Variants in KHDRBS1 observed in about 807,000 individuals in gnomAD.
The protein encoded by KHDRBS1 is KH domain-containing, RNA-binding, signal transduction-associated protein 1.
Under a neutral mutation model 48.4 loss-of-function variants are expected in KHDRBS1, and 7 were observed. The ratio of observed to expected loss-of-function variants is 0.14; its 90% CI spans 0.08 to 0.27. The LOEUF (loss-of-function observed/expected upper bound fraction) is 0.27. Ranked by LOEUF, KHDRBS1 falls within the 10% of genes least tolerant of loss-of-function variation. The probability of loss-of-function intolerance (pLI) is 1.00; values close to 1 mark genes in which losing one functional copy is unlikely to be tolerated. For missense variants in KHDRBS1, 458 were observed against 601.2 expected (o/e 0.76, Z 2.49); for synonymous variants, 241 against 235.8 (o/e 1.02, Z -0.20).
downstream of KHDRBS1, among the ~76,000 whole-genome samples, chr1:32,044,188 G>C (rs1374694066): frequency 2.0e-5 from 3 of 152,290 alleles, no homozygotes; most frequent in Middle Eastern, 6.8e-3. Context: ...GGTTTCCATA[G>C]ATAGGTCTCA....
At chr1:32,025,291 CCTT>C (rs1638943233) in intron 1 of KHDRBS1, among the ~76,000 whole-genome samples, 1 of 133,110 alleles carries the variant, frequency 7.5e-6, no homozygotes, top group Admixed American at 7.6e-5. Flanking sequence ...TTCGGCTCCT[CCTT>C]TTTTTTTTTT....
rs1313813341 is a variant in KHDRBS1, at chr1:32,013,954, G to A, written c.-42G>A. On this transcript the variant is annotated 5_prime_UTR_variant, in exon 1 of 9. Coordinates refer to ENST00000327300, the MANE Select transcript of KHDRBS1 (RefSeq NM_006559.3). The stretch of plus-strand genomic sequence containing the variant: ...AACCGCCGCTCGGGCCTCCGTCGCT[G>A]CCGCGTCGCTTTCTCGCTCCTTGGA... 1.4e-6 allele frequency: 2 copies of A among 1,409,816 alleles called. No individual in the cohort carries two copies. The highest frequency in any genetic ancestry group is 3.0e-5 in the East Asian group (1 of 33,404). The allele number at this position is 1,409,816 out of a possible 1,614,324, so 87.3% of individuals were successfully genotyped here. A position where few individuals can be genotyped will look rare whatever the true frequency, so the allele number is the denominator to read the frequency against.
At chr1:32,048,737 C>A (rs1020637003), downstream of KHDRBS1, among the ~76,000 whole-genome samples, 2 of 152,118 alleles carry the variant, frequency 1.3e-5, no homozygotes, top group African/African-American at 4.8e-5. Context: ...ACTGTTCTCT[C>A]ACTTAAAGTG....
At position 32,039,448 on chromosome 1, in the gene KHDRBS1, A is replaced by G. The variant is rs1210716578; in HGVS notation, c.1176-67A>G. ...CTTAGTAAAATGACTGACTTATGGA[A>G]GTATTTGAGAGAAAGTTGAAACATA... On this transcript the variant is annotated intron_variant, in intron 7 of 8. Transcript: ENST00000327300. 12 of 795,856 alleles carry G rather than the reference A, an allele frequency of 1.5e-5. No homozygotes were observed. The East Asian group carries it at 2.9e-4, about 19-fold the overall frequency. The allele number at this position is 795,856 out of a possible 1,614,324, so 49.3% of individuals were successfully genotyped here. A position where few individuals can be genotyped will look rare whatever the true frequency, so the allele number is the denominator to read the frequency against.
chr1:32,038,836 C>T (rs530938134), intron 7 of KHDRBS1, among the ~76,000 whole-genome samples: 17 of 152,126 alleles, frequency 1.1e-4, no homozygotes, highest in Non-Finnish European at 1.9e-4. Flanking sequence ...GTTACAGGTG[C>T]GTGCCACCAT....
chr1:32,050,753 C>G (rs1029965311), intron 10 of KHDRBS1, among the ~76,000 whole-genome samples: 2 of 151,970 alleles, frequency 1.3e-5, no homozygotes, highest in Non-Finnish European at 2.9e-5. Flanking sequence ...CCCCTGAGCT[C>G]AGGCAGTCCA....
intron 1 of KHDRBS1, among the ~76,000 whole-genome samples, chr1:32,020,830 G>C (rs769653658): frequency 1.7e-4 from 26 of 152,178 alleles, no homozygotes; most frequent in Non-Finnish European, 2.6e-4. Flanking sequence ...GGCTATCAAA[G>C]GGTAAGGATC....
At chr1:32,046,051 A>G (rs1366540942), downstream of KHDRBS1, among the ~76,000 whole-genome samples, 1 of 152,238 alleles carries the variant, frequency 6.6e-6, no homozygotes, top group African/African-American at 2.4e-5. Context: ...GAAGTAACTT[A>G]GACCTAGTGA....
At chr1:32,040,201 G>T (rs1324193313) in intron 8 of KHDRBS1, among the ~76,000 whole-genome samples, 4 of 152,076 alleles carry the variant, frequency 2.6e-5, no homozygotes, top group Non-Finnish European at 2.9e-5. Context: ...ATCACCTGTG[G>T]TCAGGAGTTC....
At chr1:32,033,440 A>G in intron 4 of KHDRBS1, 106 bp downstream of exon 4, 1 of 1,431,146 alleles carries the variant, frequency 7.0e-7, no homozygotes, top group Non-Finnish European at 9.5e-7. Context: ...ACCTGTATGT[A>G]TACCAAATTC....
rs1639314940 is a variant in KHDRBS1, at chr1:32,043,275, A to T, written c.*651A>T. 1 of 151,266 alleles carries T rather than the reference A, an allele frequency of 6.6e-6. No individual in the cohort carries two copies. The highest frequency in any genetic ancestry group is 1.5e-5 in the Non-Finnish European group (1 of 67,960). 9.4% of individuals were successfully genotyped at this position (151,266 alleles called of 1,614,324 possible). ...ATAGTTGATGCAATTTTTAACGTTA[A>T]TTGATATAAAAAAAAAAACAACAAA... On this transcript the variant is annotated 3_prime_UTR_variant, in exon 9 of 9. Coordinates refer to ENST00000327300, the MANE Select transcript of KHDRBS1 (RefSeq NM_006559.3).
intron 1 of KHDRBS1, among the ~76,000 whole-genome samples, chr1:32,026,425 T>C (rs1327653147): frequency 6.6e-6 from 1 of 152,214 alleles, no homozygotes; most frequent in East Asian, 1.9e-4. Flanking sequence ...CCCCAAATGC[T>C]GAGATTACAA....
intron 8 of KHDRBS1, among the ~76,000 whole-genome samples, chr1:32,040,737 C>G (rs1039144822): frequency 4.6e-5 from 7 of 152,164 alleles, no homozygotes; most frequent in Non-Finnish European, 8.8e-5. Context: ...TGAGGGACTT[C>G]CAGAGAGTCC....
chr1:32,047,646 C>T (rs1389687258), downstream of KHDRBS1, among the ~76,000 whole-genome samples: 5 of 152,312 alleles, frequency 3.3e-5, no homozygotes, highest in East Asian at 9.6e-4. Flanking sequence ...TCATAATATC[C>T]TAACAGAGTT....
downstream of KHDRBS1, among the ~76,000 whole-genome samples, chr1:32,046,224 GT>G (rs35900268): frequency 6.9e-6 from 1 of 145,698 alleles, no homozygotes; most frequent in Non-Finnish European, 1.5e-5. Flanking sequence ...CTTTTGTTTT[GT>G]TTTTTTTGAG....
At position 32,038,544 on chromosome 1, in the gene KHDRBS1, T is replaced by C. The variant is rs765486618; in HGVS notation, c.1108-8T>C. ...TTTTATTTCATTTTTTTGTTGTTGT[T>C]GTTCTAGGGATATGATGATACATAC... is the stretch of plus-strand genomic sequence containing the variant. On this transcript the variant is annotated splice_polypyrimidine_tract_variant and splice_region_variant and intron_variant, in intron 6 of 8. Transcript: ENST00000327300. 6.2e-7 allele frequency: 1 copy of C among 1,613,354 alleles called. No individual in the cohort carries two copies. The highest frequency in any genetic ancestry group is 1.1e-5 in the South Asian group (1 of 91,036).
intron 1 of KHDRBS1, among the ~76,000 whole-genome samples, chr1:32,029,196 C>T (rs1639033621): frequency 6.6e-6 from 1 of 152,152 alleles, no homozygotes; most frequent in South Asian, 2.1e-4. Context: ...ATGAAACTGT[C>T]TTAACCCGCG....
At chr1:32,031,709 G>A in intron 3 of KHDRBS1, 69 bp downstream of exon 3, 1 of 971,460 alleles carries the variant, frequency 1.0e-6, no homozygotes, top group Non-Finnish European at 1.6e-6. Flanking sequence ...CAGTATGGAT[G>A]TCTTATAGAG....
rs187258000 is a variant in KHDRBS1 at position 32,058,377 on chromosome 1, G to C, written n.1302-1786G>C. Among the ~76,000 whole-genome samples, 25 of 152,260 alleles carry C rather than the reference G, an allele frequency of 1.6e-4. No homozygotes were observed. The East Asian group carries it at 4.8e-3, about 29-fold the overall frequency. On this transcript the variant is annotated intron_variant and non_coding_transcript_variant, in intron 10 of 10. Transcript: ENST00000484270. ...GGCATCCCAAAGTGCTACGATTACA[G>C]GTGTGAGCCACTGCACCTGGCTGAC... is the stretch of plus-strand genomic sequence containing the variant.
Sources: allele counts gnomAD v4.1 joint callset (sites outside exome capture counted in the v4.1 genomes callset), GRCh38; gene constraint gnomAD v4.1.1; transcripts MANE v1.5; gene names NCBI Gene and HGNC (gene_info 2026-07-23, HGNC 2026-07-21).